NXN: variants seen among roughly 807,000 people sequenced by gnomAD.
NXN encodes the protein nucleoredoxin.
A neutral mutation model predicts 48.6 loss-of-function variants in NXN; 16 were observed. The ratio of observed to expected loss-of-function variants is 0.33; its 90% confidence interval spans 0.22 to 0.50. The LOEUF (loss-of-function observed/expected upper bound fraction) is 0.50. Ranked by LOEUF, NXN falls within the 20% of genes least tolerant of loss-of-function variation. NXN has a pLI of 0.98. For synonymous variants in NXN, 281 were observed against 269.6 expected (o/e 1.04, Z -0.41); for missense variants, 492 against 605.5 (o/e 0.81, Z 1.97).
chr17:814,139 A>G (rs556649382), intron 5 of NXN, among the ~76,000 whole-genome samples: 21 of 152,060 alleles, frequency 1.4e-4, no homozygotes, highest in Admixed American at 5.2e-4. Context: ...GTGGGTGCCT[A>G]TAATCCCAGC....
chr17:864,844 G>C (rs2068080342), intron 1 of NXN, among the ~76,000 whole-genome samples: 1 of 152,168 alleles, frequency 6.6e-6, no homozygotes, highest in Middle Eastern at 3.2e-3. Context: ...GCGGTGTTCT[G>C]TCAGTCTGCT....
At chr17:872,929 T>C (rs1295065178) in intron 1 of NXN, among the ~76,000 whole-genome samples, 12 of 152,036 alleles carry the variant, frequency 7.9e-5, no homozygotes, top group Admixed American at 3.9e-4. Context: ...GAGATCAACA[T>C]TTGAATCAGC....
At chr17:926,493 C>G (rs549507674) in intron 1 of NXN, among the ~76,000 whole-genome samples, 1 of 151,836 alleles carries the variant, frequency 6.6e-6, no homozygotes, top group African/African-American at 2.4e-5. Context: ...CTCTCCTCCC[C>G]TCTCTTTTCT....
At chr17:835,612 A>G (rs1913768715) in intron 1 of NXN, among the ~76,000 whole-genome samples, 1 of 152,190 alleles carries the variant, frequency 6.6e-6, no homozygotes, top group African/African-American at 2.4e-5. Flanking sequence ...AAACAATGAA[A>G]CACATATCAA....
chr17:834,145 C>T (rs543715755), intron 1 of NXN, among the ~76,000 whole-genome samples: 1 of 152,314 alleles, frequency 6.6e-6, no homozygotes, highest in Non-Finnish European at 1.5e-5. Context: ...CATGGTAAAA[C>T]CCTATCACTC....
rs190539456 is a variant in NXN at position 835,264 on chromosome 17, T to C, written c.361-9186A>G. On this transcript the variant is annotated intron_variant, in intron 1 of 7. Coordinates refer to ENST00000336868, the MANE Select transcript of NXN (RefSeq NM_022463.5). ...CGGAGCTTGCAGTGAGCTGAGATCG[T>C]GCCACTGCACTCCAGCCTGGAAGAC... Among the ~76,000 whole-genome samples the C allele has an allele frequency of 3.0e-3, 435 of 147,044 alleles. 2 individuals carry two copies. The highest frequency in any genetic ancestry group is 8.7e-3 in the African/African-American group (347 of 39,692).
rs1019409594 is a variant in NXN, at chr17:823,779, C to T, written c.479-14G>A. Reference sequence around the variant, plus strand: ...GGAACTCCAGACCTGAAACAGAAAACAGATGGTAAAAGAGGGCTTAGACCC... The same window carrying T: ...GGAACTCCAGACCTGAAACAGAAAATAGATGGTAAAAGAGGGCTTAGACCC... On this transcript the variant is annotated splice_polypyrimidine_tract_variant and intron_variant, in intron 2 of 7. Transcript: ENST00000336868. The T allele has an allele frequency of 1.9e-6, 3 of 1,613,940 alleles. No homozygotes were observed. The African/African-American group carries it at 4.0e-5, about 22-fold the overall frequency.
chr17:979,295 G>A (rs1442272874), intron 1 of NXN, 24 bp downstream of exon 1: 4 of 1,458,886 alleles, frequency 2.7e-6, no homozygotes, highest in East Asian at 3.0e-5. Flanking sequence ...GCGGGCAGGG[G>A]CCGGCGAGGC....
chr17:904,261 C>T (rs549520809), intron 1 of NXN, among the ~76,000 whole-genome samples: 1 of 151,134 alleles, frequency 6.6e-6, no homozygotes, highest in South Asian at 2.1e-4. Flanking sequence ...GGCCTTGCTG[C>T]GGAGAGCGGG....
rs144400277 is a variant in NXN at position 958,085 on chromosome 17, C to T, written c.360+21234G>A. 9.7e-4 allele frequency among the ~76,000 whole-genome samples: 148 copies of T among 152,270 alleles called. No homozygotes were observed. Among genetic ancestry groups the T allele is most frequent in the African/African-American group, 3.2e-3 (132 of 41,552 alleles). ...TCGGCAGGATCAAATGAACCCTCTC[C>T]GTCTCAACTTTCCCCTTCCTTCCCA... On this transcript the variant is annotated intron_variant, in intron 1 of 7. Transcript: ENST00000336868. This position sits in a 1 kb window ranked among gnomAD's most constrained non-coding sequence, Gnocchi z 6.9.
intron 5 of NXN, among the ~76,000 whole-genome samples, chr17:813,005 T>C (rs905731961): frequency 1.3e-5 from 2 of 151,814 alleles, no homozygotes; most frequent in African/African-American, 4.8e-5. Flanking sequence ...GGTGTTTGCA[T>C]GTGTGTAGGT....
At chr17:841,533 GGAGCATCTCACGCC>G (rs1914262292) in intron 1 of NXN, among the ~76,000 whole-genome samples, 3 of 19,736 alleles carry the variant, frequency 1.5e-4, no homozygotes, top group East Asian at 2.2e-3. Flanking sequence ...CCCCGACCAT[GGAGCATCTCACGCC>G]GGCGAGCAGG....
chr17:928,507 G>A (rs1323941243), intron 1 of NXN, among the ~76,000 whole-genome samples: 3 of 152,164 alleles, frequency 2.0e-5, no homozygotes, highest in African/African-American at 7.2e-5. Context: ...CATTCTGGCT[G>A]TGCTCATCTC....
chr17:884,034 T>G (rs1449547760), intron 1 of NXN, among the ~76,000 whole-genome samples: 3 of 151,876 alleles, frequency 2.0e-5, no homozygotes, highest in Non-Finnish European at 4.4e-5. Context: ...CTGGCTAACA[T>G]GGTGAAACCC....
intron 1 of NXN, among the ~76,000 whole-genome samples, chr17:954,112 T>C (rs1318183916): frequency 2.0e-5 from 3 of 152,044 alleles, no homozygotes; most frequent in Non-Finnish European, 4.4e-5. Context: ...GCGCCGTGGC[T>C]CATGCCTGTC....
At chr17:944,402 G>A (rs1046199992) in intron 1 of NXN, among the ~76,000 whole-genome samples, 4 of 152,082 alleles carry the variant, frequency 2.6e-5, no homozygotes, top group African/African-American at 4.8e-5. Flanking sequence ...GAAGGTTTCC[G>A]CAGGTCCGTA....
intron 1 of NXN, among the ~76,000 whole-genome samples, chr17:942,255 A>T (rs1479128194): frequency 7.4e-6 from 1 of 135,242 alleles, no homozygotes; most frequent in Non-Finnish European, 1.6e-5. Flanking sequence ...CTCACATCAC[A>T]CCTTCCTGGA....
chr17:848,031 C>A lies in NXN; in HGVS notation c.361-21953G>T, dbSNP rs577157769. On this transcript the variant is annotated intron_variant, in intron 1 of 7. Transcript: ENST00000336868. ...TTACAAAACGGGGCGAGTGAAGGAT[C>A]GAAGATGAAACACTACGAATTAAGC... is the stretch of plus-strand genomic sequence containing the variant. 3.9e-5 allele frequency among the ~76,000 whole-genome samples: 6 copies of A among 152,148 alleles called. No individual in the cohort carries two copies. The South Asian group carries it at 8.3e-4, about 21-fold the overall frequency.
At chr17:850,636 C>T (rs951807041) in intron 1 of NXN, among the ~76,000 whole-genome samples, 18 of 152,094 alleles carry the variant, frequency 1.2e-4, no homozygotes, top group Middle Eastern at 3.4e-3. Flanking sequence ...TCCAGGGGGG[C>T]GGCGTGGGGG....
Sources: allele counts gnomAD v4.1 joint callset (sites outside exome capture counted in the v4.1 genomes callset), GRCh38; gene constraint gnomAD v4.1.1; non-coding constraint Gnocchi (gnomAD v3.1); transcripts MANE v1.5; gene names NCBI Gene and HGNC (gene_info 2026-07-23, HGNC 2026-07-21).